The following RBFOX3 variants were observed in gnomAD, a reference collection of about 807,000 sequenced individuals.
RBFOX3 encodes the protein RNA binding protein fox-1 homolog 3.
Under a neutral mutation model 48.7 loss-of-function variants are expected in RBFOX3, and 17 were observed. That is an observed-to-expected ratio of 0.35 (90% confidence interval 0.24 to 0.52). The LOEUF (loss-of-function observed/expected upper bound fraction) is 0.52. Ranked by LOEUF, RBFOX3 falls within the 20% of genes least tolerant of loss-of-function variation. The pLI, the probability that RBFOX3 is intolerant of heterozygous loss-of-function variation, is 0.94. For synonymous variants in RBFOX3, 212 were observed against 209.5 expected (o/e 1.01, Z -0.10); for missense variants, 382 against 497.5 (o/e 0.77, Z 2.21).
At chr17:79,580,470 T>C (rs2093020712) in intron 1 of RBFOX3, among the ~76,000 whole-genome samples, 1 of 152,028 alleles carries the variant, frequency 6.6e-6, no homozygotes. Context: ...AATCCCATTC[T>C]TATTGCTTCC....
At chr17:79,487,204 C>T (rs2079745162) in intron 1 of RBFOX3, among the ~76,000 whole-genome samples, 1 of 152,132 alleles carries the variant, frequency 6.6e-6, no homozygotes, top group Non-Finnish European at 1.5e-5. Flanking sequence ...GTAGCTGGAG[C>T]AGAAGCCACA....
chr17:79,588,391 C>T (rs1053501521), intron 1 of RBFOX3, among the ~76,000 whole-genome samples: 3,922 of 152,270 alleles, frequency 0.026, 86 homozygotes, highest in Non-Finnish European at 0.039. Context: ...CAAAAAACAT[C>T]CTGAGGGCAG....
At position 79,214,657 on chromosome 17, in the gene RBFOX3, G is replaced by A. The variant is rs886940040; in HGVS notation, c.-34+21109C>T. Among the ~76,000 whole-genome samples the A allele has an allele frequency of 6.6e-6, 1 of 151,970 alleles. No homozygotes were observed. Among genetic ancestry groups the A allele is most frequent in the African/African-American group, 2.4e-5 (1 of 41,386 alleles). ...GGCTCCCAGGCAGGGCTGAAGCTGG[G>A]TCTGTTCCCCAGGTTCCTGGGAGGG... On this transcript the variant is annotated intron_variant, in intron 4 of 14. Transcript: ENST00000693108. This position sits in a 1 kb window ranked among gnomAD's most constrained non-coding sequence, Gnocchi z 4.7.
the RBFOX3 span, among the ~76,000 whole-genome samples, chr17:79,649,291 A>G: frequency 1.3e-5 from 2 of 152,194 alleles, no homozygotes; most frequent in Non-Finnish European, 2.9e-5. Context: ...AGAAATAAAC[A>G]TCTACTGGGA....
At chr17:79,091,843 C>T in intron 14 of RBFOX3, 2 of 628,690 alleles carry the variant, frequency 3.2e-6, no homozygotes, top group East Asian at 1.4e-4. Context: ...TGCCTTTCCA[C>T]ATTTCCACTT....
In RBFOX3 at chr17:79,214,743, G is replaced by A. The variant is rs960883767; in HGVS notation, c.-34+21023C>T. Among the ~76,000 whole-genome samples the A allele has an allele frequency of 1.5e-4, 22 of 151,612 alleles. No individual in the cohort carries two copies. The highest frequency in any genetic ancestry group is 6.2e-4 in the South Asian group (3 of 4,812). ...GCCCAGGGGCCCCCAGCTACTAGAC[G>A]GCCCTAGGAAACAGACACTAAATCC... On this transcript the variant is annotated intron_variant, in intron 4 of 14. Transcript: ENST00000693108. This position sits in a 1 kb window ranked among gnomAD's most constrained non-coding sequence, Gnocchi z 4.7.
In RBFOX3 at chr17:79,380,308, C is replaced by G. The variant is rs551821131; in HGVS notation, c.-174-72484G>C. 3.3e-5 allele frequency among the ~76,000 whole-genome samples: 5 copies of G among 152,364 alleles called. No individual in the cohort carries two copies. In the South Asian group the frequency reaches 1.0e-3, roughly 32 times the overall value. On this transcript the variant is annotated intron_variant, in intron 2 of 14. Coordinates refer to ENST00000693108, the MANE Select transcript of RBFOX3 (RefSeq NM_001350451.2). ...TCTCTTTTGATGAAGAACAATTCAACTACGGCTCTGCCTAATCAAATTAAC... is the reference window on the plus strand; with the variant it reads ...TCTCTTTTGATGAAGAACAATTCAAGTACGGCTCTGCCTAATCAAATTAAC...
chr17:79,587,021 A>G (rs1316017359), intron 1 of RBFOX3, among the ~76,000 whole-genome samples: 1 of 152,246 alleles, frequency 6.6e-6, no homozygotes, highest in Non-Finnish European at 1.5e-5. Flanking sequence ...ATTTGCTGCT[A>G]CAGATGCAGA....
chr17:79,592,701 AG>A (rs2093457896), intron 1 of RBFOX3, among the ~76,000 whole-genome samples: 1 of 152,122 alleles, frequency 6.6e-6, no homozygotes, highest in African/African-American at 2.4e-5. Context: ...GGACTCTCCC[AG>A]GGACAGCCAC....
intron 2 of RBFOX3, among the ~76,000 whole-genome samples, chr17:79,330,232 C>T (rs571865228): frequency 1.0e-3 from 157 of 152,320 alleles, no homozygotes; most frequent in South Asian, 3.3e-3. Flanking sequence ...CCCCTGACCC[C>T]CGGTAGAGTA....
chr17:79,431,635 C>T (rs1462198642), intron 2 of RBFOX3, among the ~76,000 whole-genome samples: 4 of 152,150 alleles, frequency 2.6e-5, no homozygotes. Context: ...CAGGCATATG[C>T]CACCATGCCT....
chr17:79,116,502 C>T lies in RBFOX3; in HGVS notation c.-33-754G>A, dbSNP rs928459502. Among the ~76,000 whole-genome samples, 4 of 152,228 alleles carry T rather than the reference C, an allele frequency of 2.6e-5. No individual in the cohort carries two copies. The South Asian group carries it at 8.3e-4, about 32-fold the overall frequency. On this transcript the variant is annotated intron_variant, in intron 4 of 14. Coordinates refer to ENST00000693108, the MANE Select transcript of RBFOX3 (RefSeq NM_001350451.2). ...TGCGCTCCAGCCTGGGTGATGAGAG[C>T]GAAACTTCATCTTCAAATAATTTTA...
intron 1 of RBFOX3, among the ~76,000 whole-genome samples, chr17:79,594,032 G>A (rs902373077): frequency 2.0e-5 from 3 of 152,130 alleles, no homozygotes; most frequent in Non-Finnish European, 2.9e-5. Flanking sequence ...GAGGAAGCAC[G>A]CAATTGAGGA....
rs180909425 is a variant in RBFOX3 at position 79,324,024 on chromosome 17, C to T, written c.-174-16200G>A. 1.5e-3 allele frequency among the ~76,000 whole-genome samples: 232 copies of T among 152,296 alleles called. 1 individual carries two copies. Among genetic ancestry groups the T allele is most frequent in the African/African-American group, 5.2e-3 (216 of 41,558 alleles). ...TGCAGCAGGTGGGAGATGGGAAGCC[C>T]GCTTCCTCTTGTTGAGCCCTTTACA... On this transcript the variant is annotated intron_variant, in intron 2 of 14. Transcript: ENST00000693108.
intron 2 of RBFOX3, among the ~76,000 whole-genome samples, chr17:79,433,243 C>A (rs1452421127): frequency 6.6e-6 from 1 of 152,202 alleles, no homozygotes. Context: ...GAGGTCCCGC[C>A]CTGGTCTCTG....
At chr17:79,207,556 C>T (rs1314281178) in intron 4 of RBFOX3, among the ~76,000 whole-genome samples, 1 of 152,258 alleles carries the variant, frequency 6.6e-6, no homozygotes, top group East Asian at 1.9e-4. Flanking sequence ...GGCTGGGTCC[C>T]TGGGCCTATG....
chr17:79,300,574 CCAGT>C (rs1239503953), intron 3 of RBFOX3, among the ~76,000 whole-genome samples: 1 of 152,224 alleles, frequency 6.6e-6, no homozygotes, highest in Admixed American at 6.5e-5. Flanking sequence ...GAAAGATCTA[CCAGT>C]CAGTCAGTGA....
intron 2 of RBFOX3, among the ~76,000 whole-genome samples, chr17:79,410,561 G>GA: frequency 6.6e-6 from 1 of 152,298 alleles, no homozygotes; most frequent in African/African-American, 2.4e-5. Context: ...GAAGCCAGGG[G>GA]ATTCCACAGT....
At chr17:79,645,707 G>A in the RBFOX3 span, among the ~76,000 whole-genome samples, 3 of 152,180 alleles carry the variant, frequency 2.0e-5, no homozygotes, top group African/African-American at 7.2e-5. Context: ...TGCCTGGACC[G>A]CAGCGGCCTC....
Sources: gnomAD v4.1 joint callset for allele counts (sites outside exome capture counted in the v4.1 genomes callset) on GRCh38, gnomAD v4.1.1 for gene constraint, Gnocchi (gnomAD v3.1) non-coding constraint, MANE v1.5 for transcripts, NCBI Gene and HGNC (gene_info 2026-07-23, HGNC 2026-07-21) for gene names.